The following TTYH1 variants were observed in gnomAD, a reference collection of about 807,000 sequenced individuals.
The protein encoded by TTYH1 is protein tweety homolog 1.
TTYH1 carries 33 observed loss-of-function variants against 61.2 expected under a neutral mutation model. The ratio of observed to expected loss-of-function variants is 0.54; its 90% CI spans 0.41 to 0.72. The LOEUF (loss-of-function observed/expected upper bound fraction) is 0.72. TTYH1 is among the 30% of genes least tolerant of loss of function. The pLI, the probability that TTYH1 is intolerant of heterozygous loss-of-function variation, is 0.00. For missense variants in TTYH1, 538 were observed against 575.8 expected (o/e 0.93, Z 0.67); for synonymous variants, 308 against 266.4 (o/e 1.16, Z -1.52).
chr19:54,426,719 C>G lies in TTYH1; in HGVS notation c.685C>G (p.Leu229Val), dbSNP rs895653345. 41 of 1,613,966 alleles carry G rather than the reference C, an allele frequency of 2.5e-5. No individual in the cohort carries two copies. The highest frequency in any genetic ancestry group is 3.1e-5 in the Non-Finnish European group (37 of 1,180,024). The change falls in exon 5 of 14, where the codon CTC (leucine) becomes GTC (valine). Residue 229 changes from leucine to valine, a missense_variant. Coordinates refer to ENST00000376530, the MANE Select transcript of TTYH1 (RefSeq NM_020659.4). ...LLLLLELLVCLFTLLGLAKQS... is the reference protein window; with the variant it reads ...LLLLLELLVCVFTLLGLAKQS... ...GCTGCTCCTGGAGCTGCTGGTCTGC[C>G]TCTTCACCCTCCTGGGCCTGGCGAA...
Position 54,415,988 on chromosome 19 carries a change from C to T in TTYH1, c.126+310C>T. On this transcript the variant is annotated intron_variant, in intron 1 of 13. Transcript: ENST00000376530. The surrounding 1 kb of genome is among the most constrained non-coding windows in gnomAD (Gnocchi z 5.2). ...GGGTGTCTGATACCTGCCTGGGAAGCCGGCCTCCAGGGTCATCGGGAGGGT... is the reference window on the plus strand; with the variant it reads ...GGGTGTCTGATACCTGCCTGGGAAGTCGGCCTCCAGGGTCATCGGGAGGGT... 1.1e-5 allele frequency: 15 copies of T among 1,319,042 alleles called. No individual in the cohort carries two copies. The highest frequency in any genetic ancestry group is 1.3e-5 in the Non-Finnish European group (13 of 991,250). 81.7% of individuals were successfully genotyped at this position (1,319,042 alleles called of 1,614,324 possible). A position where few individuals can be genotyped will look rare whatever the true frequency, so the allele number is the denominator to read the frequency against.
intron 4 of TTYH1, among the ~76,000 whole-genome samples, chr19:54,425,455 T>C (rs1157693582): frequency 6.6e-6 from 1 of 152,234 alleles, no homozygotes. Context: ...TCTCAGGTGA[T>C]AGATGATTGG....
At chr19:54,425,231 C>CG (rs2083300117) in intron 4 of TTYH1, among the ~76,000 whole-genome samples, 1 of 152,134 alleles carries the variant, frequency 6.6e-6, no homozygotes, top group Non-Finnish European at 1.5e-5. Flanking sequence ...TGGAAGTCAG[C>CG]GGCGGGTCTG....
In TTYH1 at chr19:54,421,101, G is replaced by A. The variant is rs2122873931; in HGVS notation, c.306-176G>A. 6.6e-6 allele frequency among the ~76,000 whole-genome samples: 1 copy of A among 152,066 alleles called. No individual in the cohort carries two copies. Among genetic ancestry groups the A allele is most frequent in the East Asian group, 1.9e-4 (1 of 5,152 alleles). ...GGAGTGAGGCCTTCCCGTTCCCTTGGCAACCGACGGGGGCCAGGCTGAAGT... is the reference window on the plus strand; with the variant it reads ...GGAGTGAGGCCTTCCCGTTCCCTTGACAACCGACGGGGGCCAGGCTGAAGT... On this transcript the variant is annotated intron_variant, in intron 2 of 13. Coordinates refer to ENST00000376530, the MANE Select transcript of TTYH1 (RefSeq NM_020659.4). The surrounding 1 kb of genome is among the most constrained non-coding windows in gnomAD (Gnocchi z 4.8).
At position 54,435,593 on chromosome 19, in the gene TTYH1, C is replaced by G; in HGVS notation, c.1177C>G (p.Leu393Val). 1 of 1,611,266 alleles carries G rather than the reference C, an allele frequency of 6.2e-7. No individual in the cohort carries two copies. Among genetic ancestry groups the G allele is most frequent in the Non-Finnish European group, 8.5e-7 (1 of 1,179,632 alleles). Residue 393 changes from leucine (L) to valine (V), a missense_variant, in exon 11 of 14, where the codon CTC becomes GTC. Physicochemically the swap from Leu to Val is conservative, Grantham distance 32. This residue lies in a region of TTYH1 where 378 missense variants were observed against 401.2 expected (regional missense o/e 0.94). Transcript: ENST00000376530. ...GLCEDALEGL[L>V]FLLLFSLLSA... ...GTGCGAAGACGCCCTGGAAGGCCTG[C>G]TCTTCCTGCTACTCTTCTCCCTGCT...
In TTYH1 at chr19:54,421,485, G is replaced by A; in HGVS notation, c.417+97G>A. 1 of 846,162 alleles carries A rather than the reference G, an allele frequency of 1.2e-6. No homozygotes were observed. Among genetic ancestry groups the A allele is most frequent in the Non-Finnish European group, 2.0e-6 (1 of 498,476 alleles). The allele number at this position is 846,162 out of a possible 1,614,324, so 52.4% of individuals were successfully genotyped here. On this transcript the variant is annotated intron_variant, in intron 3 of 13. Transcript: ENST00000376530. This position sits in a 1 kb window ranked among gnomAD's most constrained non-coding sequence, Gnocchi z 4.8. Reference sequence around the variant, plus strand: ...ATCCAAACTCAGAGCTAAGACCCCAGGCTTGAAGCTTAGGAACCCAGATTC... The same window carrying A: ...ATCCAAACTCAGAGCTAAGACCCCAAGCTTGAAGCTTAGGAACCCAGATTC...
rs758951292 is a variant in TTYH1, at chr19:54,415,660, A to G, written c.108A>G (p.Gln36=). ...LRPVPSVFAP[Q]EQEYQQALLL... The stretch of plus-strand genomic sequence containing the variant: ...CGGTGCCCAGCGTTTTCGCGCCCCA[A>G]GAGCAGGAATACCAGCAGGTGGGAC... Residue 36 remains glutamine, a synonymous_variant, in exon 1 of 14, where the codon CAA becomes CAG. Transcript: ENST00000376530. The surrounding 1 kb of genome is among the most constrained non-coding windows in gnomAD (Gnocchi z 5.2). The G allele has an allele frequency of 6.0e-5, 94 of 1,563,376 alleles. No homozygotes were observed. Among genetic ancestry groups the G allele is most frequent in the Non-Finnish European group, 7.8e-5 (91 of 1,162,522 alleles).
At position 54,421,458 on chromosome 19, in the gene TTYH1, G is replaced by A; in HGVS notation, c.417+70G>A. ...GGGCTCCCCACACCCAAGGACAAAG[G>A]GATCCAAACTCAGAGCTAAGACCCC... On this transcript the variant is annotated intron_variant, in intron 3 of 13. Transcript: ENST00000376530. The surrounding 1 kb of genome is among the most constrained non-coding windows in gnomAD (Gnocchi z 4.8). 9.5e-7 allele frequency: 1 copy of A among 1,054,950 alleles called. No homozygotes were observed. Among genetic ancestry groups the A allele is most frequent in the Non-Finnish European group, 1.5e-6 (1 of 673,644 alleles). 65.3% of individuals were successfully genotyped at this position (1,054,950 alleles called of 1,614,324 possible).
At position 54,420,945 on chromosome 19, in the gene TTYH1, G is replaced by C. The variant is rs573729195; in HGVS notation, c.306-332G>C. 1.5e-4 allele frequency: 64 copies of C among 418,500 alleles called. No homozygotes were observed. The highest frequency in any genetic ancestry group is 1.5e-3 in the South Asian group (62 of 40,916). 25.9% of individuals were successfully genotyped at this position (418,500 alleles called of 1,614,324 possible). Reference sequence around the variant, plus strand: ...GTGTGGGGCAGGCAGTCCTAGGGAGGGGAAGACGGCCCATCCCGGAGCTGG... The same window carrying C: ...GTGTGGGGCAGGCAGTCCTAGGGAGCGGAAGACGGCCCATCCCGGAGCTGG... On this transcript the variant is annotated intron_variant, in intron 2 of 13. Transcript: ENST00000376530. The surrounding 1 kb of genome is among the most constrained non-coding windows in gnomAD (Gnocchi z 4.8).
chr19:54,428,575 C>T (rs1430221409), intron 5 of TTYH1, among the ~76,000 whole-genome samples: 1 of 152,076 alleles, frequency 6.6e-6, no homozygotes, highest in Non-Finnish European at 1.5e-5. Flanking sequence ...GAGGTTGGAC[C>T]ACTTGCTCAG....
In TTYH1 at chr19:54,419,673, C is replaced by T. The variant is rs773057009; in HGVS notation, c.305+367C>T. On this transcript the variant is annotated intron_variant, in intron 2 of 13. Transcript: ENST00000376530. The surrounding 1 kb of genome is among the most constrained non-coding windows in gnomAD (Gnocchi z 6.1). ...ATCTGTAAACTGGGCATTATCATCT[C>T]GCCCACCTCCTGCGGGGGTAAGATG... The T allele has an allele frequency of 9.3e-5, 47 of 503,456 alleles. No homozygotes were observed. The highest frequency in any genetic ancestry group is 1.5e-4 in the Non-Finnish European group (40 of 258,482). The allele number at this position is 503,456 out of a possible 1,614,324, so 31.2% of individuals were successfully genotyped here.
At position 54,415,752 on chromosome 19, in the gene TTYH1, T is replaced by G; in HGVS notation, c.126+74T>G. The G allele has an allele frequency of 7.3e-7, 1 of 1,369,770 alleles. No individual in the cohort carries two copies. Among genetic ancestry groups the G allele is most frequent in the Non-Finnish European group, 9.6e-7 (1 of 1,044,094 alleles). 84.9% of individuals were successfully genotyped at this position (1,369,770 alleles called of 1,614,324 possible). A position where few individuals can be genotyped will look rare whatever the true frequency, so the allele number is the denominator to read the frequency against. On this transcript the variant is annotated intron_variant, in intron 1 of 13. Coordinates refer to ENST00000376530, the MANE Select transcript of TTYH1 (RefSeq NM_020659.4). The surrounding 1 kb of genome is among the most constrained non-coding windows in gnomAD (Gnocchi z 5.2). ...CCTGGGTCCCGAGGGAGAAGGGGGC[T>G]GGGTCACAGATTTCCTGAGCTCCGC... is the stretch of plus-strand genomic sequence containing the variant.
At chr19:54,435,489 T>C in intron 10 of TTYH1, 53 bp from the exon 11 acceptor site, 1 of 1,544,048 alleles carries the variant, frequency 6.5e-7, no homozygotes, top group African/African-American at 1.4e-5. Context: ...GCACAGTGTG[T>C]GCCGATGGGG....
At chr19:54,430,445 G>T in intron 7 of TTYH1, 105 bp from the exon 8 acceptor site, 1 of 1,273,518 alleles carries the variant, frequency 7.9e-7, no homozygotes, top group Non-Finnish European at 1.1e-6. Flanking sequence ...CCAGGGCTGG[G>T]CTGAGGCCCC....
At chr19:54,418,934 T>C (rs10417316) in intron 1 of TTYH1, among the ~76,000 whole-genome samples, 194 bp from the exon 2 acceptor site, 82,313 of 152,040 alleles carry the variant, frequency 0.54, 22,249 homozygotes, top group Middle Eastern at 0.61. Flanking sequence ...TCCAGCAAGC[T>C]GGCCCTGACA....
intron 5 of TTYH1, among the ~76,000 whole-genome samples, chr19:54,428,699 A>AC (rs1409071387): frequency 2.6e-5 from 4 of 152,002 alleles, no homozygotes; most frequent in African/African-American, 9.7e-5. Flanking sequence ...TTGAACCTGT[A>AC]CCTCCATTGC....
chr19:54,422,039 C>G, intron 3 of TTYH1, 151 bp from the exon 4 acceptor site: 1 of 638,162 alleles, frequency 1.6e-6, no homozygotes, highest in South Asian at 2.0e-5. Context: ...CCTCCCCAAT[C>G]CCTTCCCTTA....
chr19:54,435,737 C>T, intron 11 of TTYH1, 53 bp downstream of exon 11: 2 of 1,611,258 alleles, frequency 1.2e-6, no homozygotes, highest in South Asian at 2.2e-5. Context: ...GGGGCAGCAC[C>T]TGGGGACCAC....
intron 10 of TTYH1, chr19:54,432,743 C>T (rs539498537): frequency 6.6e-6 from 1 of 152,262 alleles, no homozygotes; most frequent in South Asian, 2.1e-4. Flanking sequence ...TAAGTACGCC[C>T]GGTGCAATGC....
Sources: allele counts gnomAD v4.1 joint callset (sites outside exome capture counted in the v4.1 genomes callset), GRCh38; gene constraint gnomAD v4.1.1; regional missense constraint gnomAD v4.1.1; non-coding constraint Gnocchi (gnomAD v3.1); transcripts MANE v1.5; gene names NCBI Gene and HGNC (gene_info 2026-07-23, HGNC 2026-07-21).